The following MGRN1 variants were observed in gnomAD, a reference collection of about 807,000 sequenced individuals.
MGRN1 encodes the protein mahogunin ring finger 1, also known as E3 ubiquitin-protein ligase MGRN1.
A neutral mutation model predicts 69.2 loss-of-function variants in MGRN1; 29 were observed. The observed-to-expected ratio is 0.42, with a 90% CI of 0.31 to 0.57. MGRN1 has a LOEUF of 0.57. MGRN1 is among the 20% of genes least tolerant of loss of function. The pLI is 0.15. For synonymous variants in MGRN1, 470 were observed against 344.2 expected (o/e 1.37, Z -4.04); for missense variants, 998 against 796.2 (o/e 1.25, Z -3.05).
At chr16:4,637,736 C>G (rs1368106462) in intron 1 of MGRN1, among the ~76,000 whole-genome samples, 1 of 152,232 alleles carries the variant, frequency 6.6e-6, no homozygotes, top group Non-Finnish European at 1.5e-5. Context: ...GCCATCGCCA[C>G]CCACCAGGCT....
intron 1 of MGRN1, among the ~76,000 whole-genome samples, chr16:4,638,240 G>A (rs1478919988): frequency 6.6e-6 from 1 of 152,090 alleles, no homozygotes; most frequent in Admixed American, 6.6e-5. Flanking sequence ...GCCGAGGCGG[G>A]TGGATTACGA....
intron 14 of MGRN1, 66 bp from the exon 15 acceptor site, chr16:4,683,155 TGGC>T (rs1314391135): frequency 6.3e-7 from 1 of 1,591,214 alleles, no homozygotes; most frequent in African/African-American, 1.3e-5. Flanking sequence ...CCGTGCCTGA[TGGC>T]GGCTTGTCCT....
In MGRN1 at chr16:4,657,382, C is replaced by G; in HGVS notation, c.561+19C>G. 2 of 1,606,322 alleles carry G rather than the reference C, an allele frequency of 1.2e-6. No individual in the cohort carries two copies. Among genetic ancestry groups the G allele is most frequent in the Non-Finnish European group, 8.5e-7 (1 of 1,173,106 alleles). ...TGACGAGGTAATGCTGGCTGGGCGG[C>G]TCCTTGCCCTTCGCTCCTCCTGAAT... On this transcript the variant is annotated intron_variant, in intron 5 of 16. Transcript: ENST00000262370.
At chr16:4,674,960 A>ATTAC (rs1287272405) in intron 10 of MGRN1, among the ~76,000 whole-genome samples, 2 of 150,026 alleles carry the variant, frequency 1.3e-5, no homozygotes, top group African/African-American at 4.9e-5. Flanking sequence ...TTTTTAATTA[A>ATTAC]TTACTTACTT....
At chr16:4,685,313 C>T (rs570969164) in intron 16 of MGRN1, among the ~76,000 whole-genome samples, 1 of 152,362 alleles carries the variant, frequency 6.6e-6, no homozygotes, top group African/African-American at 2.4e-5. Flanking sequence ...AGAGGCTGCG[C>T]CTCCCCTCTG....
At chr16:4,659,982 G>A (rs1310839517) in intron 5 of MGRN1, among the ~76,000 whole-genome samples, 3 of 152,200 alleles carry the variant, frequency 2.0e-5, no homozygotes, top group African/African-American at 2.4e-5. Flanking sequence ...CATTTGGGGC[G>A]GGGGCCTCCC....
chr16:4,673,787 CTG>C, intron 10 of MGRN1, 130 bp downstream of exon 10: 1 of 1,211,546 alleles, frequency 8.3e-7, no homozygotes, highest in East Asian at 2.6e-5. Context: ...TTCATCTAGT[CTG>C]TGCTGAACGT....
In MGRN1 at chr16:4,665,907, G is replaced by A. The variant is rs1596300215; in HGVS notation, c.678+756G>A. 5.3e-5 allele frequency among the ~76,000 whole-genome samples: 8 copies of A among 151,502 alleles called. 1 individual carries two copies. The highest frequency in any genetic ancestry group is 5.3e-4 in the Admixed American group (8 of 15,226). On this transcript the variant is annotated intron_variant, in intron 7 of 16. Transcript: ENST00000262370. ...TGCAGTGGCATGATCTTGTCTCACTGCAGCCTACGCCTCCCGGGTTCATGC... is the reference window on the plus strand; with the variant it reads ...TGCAGTGGCATGATCTTGTCTCACTACAGCCTACGCCTCCCGGGTTCATGC...
At chr16:4,684,351 T>C (rs2141984064) in intron 16 of MGRN1, among the ~76,000 whole-genome samples, 1 of 152,366 alleles carries the variant, frequency 6.6e-6, no homozygotes, top group Non-Finnish European at 1.5e-5. Flanking sequence ...ACAGGCCCCA[T>C]GCTGGGTGCC....
At chr16:4,632,168 C>A (rs1271376947) in intron 1 of MGRN1, among the ~76,000 whole-genome samples, 1 of 145,788 alleles carries the variant, frequency 6.9e-6, no homozygotes, top group Admixed American at 7.0e-5. Flanking sequence ...AGGTGCATGC[C>A]ACCACGCCCA....
chr16:4,630,236 C>T (rs1412926331), intron 1 of MGRN1, among the ~76,000 whole-genome samples: 1 of 150,154 alleles, frequency 6.7e-6, no homozygotes, highest in Non-Finnish European at 1.5e-5. Context: ...CCTGTAGTCC[C>T]AGCTAATTGG....
intron 8 of MGRN1, among the ~76,000 whole-genome samples, chr16:4,670,494 C>G (rs897904824): frequency 1.3e-5 from 2 of 152,254 alleles, no homozygotes; most frequent in Non-Finnish European, 2.9e-5. Context: ...CCACCAGCCT[C>G]GGCCTCCTAC....
At position 4,668,257 on chromosome 16, in the gene MGRN1, C is replaced by T. The variant is rs1478376945; in HGVS notation, c.679-8C>T. On this transcript the variant is annotated splice_region_variant and splice_polypyrimidine_tract_variant and intron_variant, in intron 7 of 16. Coordinates refer to ENST00000262370, the MANE Select transcript of MGRN1 (RefSeq NM_015246.4). ...CCACCTTAACCTCTTTGTCTTTCTC[C>T]CCTGCAGCACATGGACGGCAGCTTC... 1 of 1,613,898 alleles carries T rather than the reference C, an allele frequency of 6.2e-7. No homozygotes were observed. The highest frequency in any genetic ancestry group is 8.5e-7 in the Non-Finnish European group (1 of 1,179,892).
Position 4,648,484 on chromosome 16 carries a change from C to T in MGRN1, c.89-1881C>T, listed in dbSNP as rs530798129. ...CCCGTGGTCACCTGGCTCCTCCTCC[C>T]GGGGGCTCTTCCCGTGGTCACCCGG... is the stretch of plus-strand genomic sequence containing the variant. On this transcript the variant is annotated intron_variant, in intron 1 of 16. Coordinates refer to ENST00000262370, the MANE Select transcript of MGRN1 (RefSeq NM_015246.4). 5.1e-4 allele frequency among the ~76,000 whole-genome samples: 58 copies of T among 113,354 alleles called. 3 individuals are homozygous for T. The highest frequency in any genetic ancestry group is 2.5e-3 in the African/African-American group (55 of 22,386). 74.4% of individuals were successfully genotyped at this position (113,354 alleles called of 152,430 possible).
intron 1 of MGRN1, among the ~76,000 whole-genome samples, chr16:4,638,177 A>G (rs1315676483): frequency 1.3e-5 from 2 of 152,078 alleles, no homozygotes; most frequent in African/African-American, 2.4e-5. Flanking sequence ...GTTTGCAGTT[A>G]AAGAAATCAA....
chr16:4,678,888 TGG>T (rs2079114365), intron 11 of MGRN1, among the ~76,000 whole-genome samples: 1 of 152,172 alleles, frequency 6.6e-6, no homozygotes, highest in South Asian at 2.1e-4. Context: ...GGCCTTGACC[TGG>T]GCCCTATGGG....
intron 1 of MGRN1, chr16:4,640,334 C>T (rs1436411974): frequency 6.6e-6 from 1 of 152,298 alleles, no homozygotes; most frequent in African/African-American, 2.4e-5. Flanking sequence ...CGTATGTATC[C>T]TCCTGCCTGG....
chr16:4,644,092 C>G (rs916540129), intron 1 of MGRN1, among the ~76,000 whole-genome samples: 1 of 151,988 alleles, frequency 6.6e-6, no homozygotes, highest in African/African-American at 2.4e-5. Flanking sequence ...ATTCTGCTGT[C>G]TTGGCCTCCT....
rs771331524 is a variant in MGRN1 at position 4,686,340 on chromosome 16, C to T, written c.1618+2408C>T. 2.7e-5 allele frequency: 42 copies of T among 1,540,072 alleles called. No individual in the cohort carries two copies. In the South Asian group the frequency reaches 2.9e-4, roughly 11 times the overall value. ...CCCAGACGCGCTTCGGGGGCTCTGA[C>T]GCGCGTCCTTGGAGAGAGGAGCCCT... On this transcript the variant is annotated intron_variant, in intron 16 of 16. Transcript: ENST00000262370.
Sources: allele counts gnomAD v4.1 joint callset (sites outside exome capture counted in the v4.1 genomes callset), GRCh38; gene constraint gnomAD v4.1.1; transcripts MANE v1.5; gene names NCBI Gene and HGNC (gene_info 2026-07-23, HGNC 2026-07-21).